IGF1R: variants seen among roughly 807,000 people sequenced by gnomAD.
The protein encoded by IGF1R is insulin like growth factor 1 receptor.
IGF1R carries 44 observed loss-of-function variants against 144.6 expected under a neutral mutation model. That is an observed-to-expected ratio of 0.30 (90% CI 0.24 to 0.39). The LOEUF (loss-of-function observed/expected upper bound fraction) is 0.39, where lower values mean the gene tolerates loss of function less well. Among genes scored for constraint, IGF1R ranks in the 10% least tolerant of loss-of-function variants. The pLI is 1.00. For synonymous variants in IGF1R, 795 were observed against 722.8 expected, an observed-to-expected ratio of 1.10 and a Z score of -1.60; for missense variants, 1,355 against 1,833.7, an observed-to-expected ratio of 0.74 and a Z score of 4.77.
In IGF1R at chr15:98,890,888, A is replaced by T. The variant is rs1567180201; in HGVS notation, c.641-437A>T. 3 of 255,208 alleles carry T rather than the reference A, an allele frequency of 1.2e-5. No homozygotes were observed. In the South Asian group the frequency reaches 1.7e-4, roughly 14 times the overall value. The allele number at this position is 255,208 out of a possible 1,614,324, so 15.8% of individuals were successfully genotyped here. ...ACACTAAGGCTTTAAAAGAGTTTTC[A>T]GTAAGGAACATATTTGAAATGGAAA... On this transcript the variant is annotated intron_variant, in intron 2 of 20. Transcript: ENST00000650285.
intron 1 of IGF1R, among the ~76,000 whole-genome samples, chr15:98,670,953 C>T (rs2052874193): frequency 6.6e-6 from 1 of 151,258 alleles, no homozygotes; most frequent in East Asian, 1.9e-4. Context: ...TTGTAGGGAC[C>T]CTTAGGACTT....
chr15:98,668,418 T>C (rs183790624), intron 1 of IGF1R, among the ~76,000 whole-genome samples: 1 of 152,302 alleles, frequency 6.6e-6, no homozygotes, highest in East Asian at 1.9e-4. Flanking sequence ...TGGTTACAGA[T>C]CATTAAAATT....
chr15:98,795,274 C>T (rs1324639788), intron 2 of IGF1R, among the ~76,000 whole-genome samples: 1 of 152,200 alleles, frequency 6.6e-6, no homozygotes, highest in East Asian at 1.9e-4. Context: ...ATTAATTTGA[C>T]TTTGCCGTCT....
intron 2 of IGF1R, among the ~76,000 whole-genome samples, chr15:98,745,134 T>C (rs930479517): frequency 6.6e-6 from 1 of 152,234 alleles, no homozygotes; most frequent in African/African-American, 2.4e-5. Context: ...TTAGCTAATA[T>C]AGGGAGAAGG....
intron 20 of IGF1R, among the ~76,000 whole-genome samples, chr15:98,952,104 C>A (rs1029270008): frequency 6.6e-6 from 1 of 152,142 alleles, no homozygotes; most frequent in African/African-American, 2.4e-5. Flanking sequence ...GCCTGCTGTG[C>A]CCTAGAGTAA....
intron 2 of IGF1R, among the ~76,000 whole-genome samples, chr15:98,812,305 TGTG>T (rs2056608251): frequency 6.6e-6 from 1 of 151,928 alleles, no homozygotes; most frequent in Non-Finnish European, 1.5e-5. Flanking sequence ...CCCTTCCAGC[TGTG>T]AGCTGTGTCA....
chr15:98,836,917 C>T (rs1314687480), intron 2 of IGF1R, among the ~76,000 whole-genome samples: 1 of 152,334 alleles, frequency 6.6e-6, no homozygotes, highest in Non-Finnish European at 1.5e-5. Context: ...CAGTGCGTCA[C>T]ATCTGTGTGA....
intron 2 of IGF1R, among the ~76,000 whole-genome samples, chr15:98,752,563 A>G (rs144750666): frequency 0.015 from 2,291 of 152,104 alleles, 25 homozygotes; most frequent in Non-Finnish European, 0.024. Flanking sequence ...GGCACCTGTA[A>G]TCCCAGCTAC....
chr15:98,869,417 C>G (rs1340331738), intron 2 of IGF1R, among the ~76,000 whole-genome samples: 1 of 150,772 alleles, frequency 6.6e-6, no homozygotes, highest in Admixed American at 6.6e-5. Flanking sequence ...TTCCTGGAAC[C>G]TGGCTCCCTT....
intron 1 of IGF1R, among the ~76,000 whole-genome samples, chr15:98,676,788 A>G (rs756682515): frequency 2.6e-5 from 4 of 152,342 alleles, no homozygotes; most frequent in East Asian, 1.9e-4. Flanking sequence ...TTATCTATCT[A>G]TGAAGAAATC....
chr15:98,749,543 T>G (rs571511603), intron 2 of IGF1R, among the ~76,000 whole-genome samples: 13 of 152,360 alleles, frequency 8.5e-5, no homozygotes, highest in Admixed American at 8.5e-4. Flanking sequence ...TTTTCTAAGT[T>G]TCCATTAGCT....
intron 1 of IGF1R, among the ~76,000 whole-genome samples, chr15:98,675,826 C>CTTTTTTTTTTT (rs869068918): frequency 2.4e-4 from 11 of 46,160 alleles, no homozygotes; most frequent in African/African-American, 2.9e-4. Flanking sequence ...TTCTTTCTTT[C>CTTTTTTTTTTT]TTTTTTTTTT....
At chr15:98,852,322 T>G (rs2715421) in intron 2 of IGF1R, among the ~76,000 whole-genome samples, 2 of 152,046 alleles carry the variant, frequency 1.3e-5, no homozygotes, top group Non-Finnish European at 2.9e-5. Flanking sequence ...CCGCCCCGGG[T>G]GAGGGAAGAG....
At position 98,964,212 on chromosome 15, in the gene IGF1R, AT is replaced by A. The variant is rs926588671; in HGVS notation, c.*6777del. Reference sequence around the variant, plus strand: ...TTCTGAGTTTTCTTGTTAAAAAAAAATTTTTTTAAGTAAGAAAAAAAAAGGT... The same window carrying A: ...TTCTGAGTTTTCTTGTTAAAAAAAAATTTTTTAAGTAAGAAAAAAAAAGGT... On this transcript the variant is annotated 3_prime_UTR_variant, in exon 21 of 21. Coordinates refer to ENST00000650285, the MANE Select transcript of IGF1R (RefSeq NM_000875.5). The A allele has an allele frequency of 1.7e-5, 4 of 232,434 alleles. No homozygotes were observed. The highest frequency in any genetic ancestry group is 3.4e-5 in the Non-Finnish European group (4 of 117,476). 14.4% of individuals were successfully genotyped at this position (232,434 alleles called of 1,614,324 possible).
chr15:98,793,739 A>G (rs1357149927), intron 2 of IGF1R, among the ~76,000 whole-genome samples: 1 of 152,210 alleles, frequency 6.6e-6, no homozygotes, highest in Non-Finnish European at 1.5e-5. Flanking sequence ...CTGTTTTGAC[A>G]TGAATCTATA....
intron 1 of IGF1R, among the ~76,000 whole-genome samples, chr15:98,686,753 C>T (rs2053339506): frequency 6.6e-6 from 1 of 151,946 alleles, no homozygotes; most frequent in Non-Finnish European, 1.5e-5. Context: ...TCACTGCAGC[C>T]TCAACCTCCT....
At chr15:98,663,452 A>G (rs2052647732) in intron 1 of IGF1R, among the ~76,000 whole-genome samples, 1 of 152,224 alleles carries the variant, frequency 6.6e-6, no homozygotes, top group African/African-American at 2.4e-5. Flanking sequence ...ATGTTAGAAA[A>G]GTGGAGGAAC....
At chr15:98,680,744 T>G (rs1596177521) in intron 1 of IGF1R, among the ~76,000 whole-genome samples, 2 of 152,290 alleles carry the variant, frequency 1.3e-5, no homozygotes, top group East Asian at 3.9e-4. Context: ...TTTTGTTTTT[T>G]AATTTTTTGT....
chr15:98,783,551 T>C (rs1464952853), intron 2 of IGF1R, among the ~76,000 whole-genome samples: 1 of 152,242 alleles, frequency 6.6e-6, no homozygotes, highest in Admixed American at 6.5e-5. Context: ...GAGCATGGCA[T>C]GTCCCTCCAT....
Sources: gnomAD v4.1 joint callset for allele counts (sites outside exome capture counted in the v4.1 genomes callset) on GRCh38, gnomAD v4.1.1 for gene constraint, MANE v1.5 for transcripts, NCBI Gene and HGNC (gene_info 2026-07-23, HGNC 2026-07-21) for gene names.